The following GTF2I variants were observed in gnomAD, a reference collection of about 807,000 sequenced individuals.
The protein encoded by GTF2I is general transcription factor IIi.
A neutral mutation model predicts 67.6 loss-of-function variants in GTF2I; 12 were observed. The ratio of observed to expected loss-of-function variants is 0.18; its 90% CI spans 0.11 to 0.29. The LOEUF (loss-of-function observed/expected upper bound fraction) is 0.29, where lower values mean the gene tolerates loss of function less well. GTF2I is among the 10% of genes least tolerant of loss of function. The pLI is 1.00. For synonymous variants in GTF2I, 149 were observed against 197.0 expected (o/e 0.76, Z 2.04); for missense variants, 271 against 580.1 (o/e 0.47, Z 5.47).
chr7:74,717,180 C>A, intron 11 of GTF2I: 1 of 380,952 alleles, frequency 2.6e-6, no homozygotes, highest in Non-Finnish European at 4.5e-6. Flanking sequence ...GTAAGTAAAG[C>A]TCTTACATGA....
At chr7:74,671,995 T>A (rs1401431412) in intron 1 of GTF2I, among the ~76,000 whole-genome samples, 2 of 151,582 alleles carry the variant, frequency 1.3e-5, no homozygotes, top group Non-Finnish European at 2.9e-5. Flanking sequence ...AAAAAAAAAA[T>A]TCAAACCCTT....
At chr7:74,680,097 A>ATATATAT (rs1287173019) in intron 1 of GTF2I, among the ~76,000 whole-genome samples, 7 of 88,830 alleles carry the variant, frequency 7.9e-5, no homozygotes, top group African/African-American at 2.9e-4. Flanking sequence ...AAAAAAAAAA[A>ATATATAT]AAATATATAT....
chr7:74,706,283 C>T, intron 7 of GTF2I, 107 bp from the exon 8 acceptor site: 1 of 843,982 alleles, frequency 1.2e-6, no homozygotes, highest in Non-Finnish European at 2.0e-6. Flanking sequence ...TTGCACCCAC[C>T]TTGGTCAAGG....
chr7:74,696,879 G>A (rs2131319613), intron 3 of GTF2I, among the ~76,000 whole-genome samples: 2 of 152,162 alleles, frequency 1.3e-5, no homozygotes, highest in South Asian at 4.1e-4. Context: ...TAATCAATAG[G>A]TTTATGAGGC....
intron 1 of GTF2I, among the ~76,000 whole-genome samples, chr7:74,675,079 C>T (rs1805781259): frequency 1.3e-5 from 2 of 152,100 alleles, no homozygotes; most frequent in South Asian, 4.1e-4. Flanking sequence ...TGTCGAACTC[C>T]TGACCTCAGG....
chr7:74,679,137 G>A (rs1318805133), intron 1 of GTF2I, among the ~76,000 whole-genome samples: 1 of 151,088 alleles, frequency 6.6e-6, no homozygotes, highest in Admixed American at 6.6e-5. Flanking sequence ...GGAGTGCAGT[G>A]GCGTGAACTT....
At chr7:74,721,806 A>G (rs587754410) in intron 12 of GTF2I, among the ~76,000 whole-genome samples, 328 of 152,180 alleles carry the variant, frequency 2.2e-3, no homozygotes, top group Non-Finnish European at 3.7e-3. Flanking sequence ...AAATCCTGAT[A>G]ATGTTTTCCA....
At chr7:74,706,770 C>T (rs1790765054) in intron 8 of GTF2I, among the ~76,000 whole-genome samples, 1 of 152,164 alleles carries the variant, frequency 6.6e-6, no homozygotes, top group Admixed American at 6.5e-5. Flanking sequence ...TCGTCTCCAC[C>T]TTCCTTCTCT....
At chr7:74,719,691 A>G (rs1431826411) in intron 12 of GTF2I, among the ~76,000 whole-genome samples, 4 of 152,130 alleles carry the variant, frequency 2.6e-5, no homozygotes, top group African/African-American at 9.7e-5. Context: ...AGGCCAAGGT[A>G]GGCAGATCAC....
intron 13 of GTF2I, among the ~76,000 whole-genome samples, chr7:74,729,854 G>C (rs1794300835): frequency 6.6e-6 from 1 of 152,058 alleles, no homozygotes; most frequent in African/African-American, 2.4e-5. Context: ...GTTTTAGGAA[G>C]TTTGCTAAAA....
intron 3 of GTF2I, among the ~76,000 whole-genome samples, chr7:74,697,887 G>A (rs1268904863): frequency 6.6e-6 from 1 of 151,934 alleles, no homozygotes; most frequent in Non-Finnish European, 1.5e-5. Flanking sequence ...TCCTGCCTCA[G>A]CCTCCCAAGT....
intron 1 of GTF2I, among the ~76,000 whole-genome samples, chr7:74,679,840 G>A (rs985894374): frequency 2.0e-5 from 3 of 151,840 alleles, no homozygotes; most frequent in African/African-American, 4.8e-5. Context: ...CAGCCCTTTC[G>A]GAGGCCGAGG....
chr7:74,696,264 G>A (rs1305847185), intron 3 of GTF2I, among the ~76,000 whole-genome samples: 2 of 152,040 alleles, frequency 1.3e-5, no homozygotes, highest in East Asian at 3.9e-4. Context: ...TTACCGGCGT[G>A]AGCCACCGTG....
chr7:74,680,325 A>C (rs1787164780), intron 1 of GTF2I, among the ~76,000 whole-genome samples: 1 of 151,658 alleles, frequency 6.6e-6, no homozygotes, highest in Admixed American at 6.6e-5. Flanking sequence ...AAATGTATTG[A>C]AAGTTCAGAA....
chr7:74,700,035 T>C (rs782741055), intron 4 of GTF2I: 6 of 509,538 alleles, frequency 1.2e-5, no homozygotes, highest in South Asian at 8.5e-5. Context: ...AGTAAAATAT[T>C]TTATCTACTT....
chr7:74,705,187 G>A lies in GTF2I; in HGVS notation c.610G>A (p.Ala204Thr), dbSNP rs781911148. Residue 204 changes from alanine to threonine, a missense_variant, in exon 7 of 35, where the codon GCT (alanine) becomes ACT (threonine). By Grantham distance (58) the Ala-to-Thr change is moderately conservative. Coordinates refer to ENST00000573035, the MANE Select transcript of GTF2I (RefSeq NM_032999.4). Reference sequence around the variant, plus strand: ...AGGTGGTCGTGTGATGGTAACAGATGCTGACAGGTCAATACTATCTCCAGG... The same window carrying A: ...AGGTGGTCGTGTGATGGTAACAGATACTGACAGGTCAATACTATCTCCAGG... ...HVGGRVMVTD[A>T]DRSILSPGGS... is the part of the protein sequence containing the mutation. The A allele has an allele frequency of 6.2e-7, 1 of 1,605,324 alleles. No individual in the cohort carries two copies. The highest frequency in any genetic ancestry group is 8.5e-7 in the Non-Finnish European group (1 of 1,173,008).
intron 3 of GTF2I, 68 bp downstream of exon 3, chr7:74,691,179 G>C: frequency 1.1e-6 from 1 of 940,528 alleles, no homozygotes; most frequent in Non-Finnish European, 1.6e-6. Flanking sequence ...GGTAAGACAA[G>C]TTATATTATT....
chr7:74,729,820 C>CTTA (rs1794294818), intron 13 of GTF2I, among the ~76,000 whole-genome samples: 1 of 152,040 alleles, frequency 6.6e-6, no homozygotes, highest in South Asian at 2.1e-4. Context: ...TCCGTAAAGT[C>CTTA]TTATTTCCAC....
intron 6 of GTF2I, 41 bp downstream of exon 6, chr7:74,700,675 C>T (rs781871811): frequency 1.6e-5 from 25 of 1,583,304 alleles, no homozygotes; most frequent in East Asian, 4.5e-5. Context: ...GGCTGGCCTC[C>T]GTTTTGCTAG....
Sources: allele counts gnomAD v4.1 joint callset (sites outside exome capture counted in the v4.1 genomes callset), GRCh38; gene constraint gnomAD v4.1.1; transcripts MANE v1.5; gene names NCBI Gene and HGNC (gene_info 2026-07-23, HGNC 2026-07-21).